Variants in BCO2 observed in about 807,000 individuals in gnomAD.
The protein encoded by BCO2 is beta-carotene oxygenase 2, also known as carotenoid-cleaving dioxygenase, mitochondrial.
Under a neutral mutation model 65.8 loss-of-function variants are expected in BCO2, and 56 were observed. That is an observed-to-expected ratio of 0.85 (90% CI 0.69 to 1.06). The LOEUF (loss-of-function observed/expected upper bound fraction) is 1.06, where lower values mean the gene tolerates loss of function less well. Ranked by LOEUF, BCO2 falls within the 50% of genes least tolerant of loss-of-function variation. The pLI is 0.00. For synonymous variants in BCO2, 233 were observed against 242.3 expected (o/e 0.96, Z 0.36); for missense variants, 675 against 698.5 (o/e 0.97, Z 0.38).
chr11:112,214,300 C>T (rs533821355), intron 9 of BCO2, among the ~76,000 whole-genome samples: 2 of 152,234 alleles, frequency 1.3e-5, no homozygotes, highest in East Asian at 3.9e-4. Flanking sequence ...GCACCTGTCA[C>T]CACGCCCGGC....
At chr11:112,184,964 T>C (rs1867161334) in intron 2 of BCO2, among the ~76,000 whole-genome samples, 1 of 152,216 alleles carries the variant, frequency 6.6e-6, no homozygotes. Flanking sequence ...ATGCAAAGCT[T>C]TCCTTAACAG....
intron 2 of BCO2, among the ~76,000 whole-genome samples, chr11:112,189,444 C>T (rs532171115): frequency 5.1e-4 from 74 of 145,720 alleles, no homozygotes; most frequent in African/African-American, 1.8e-3. Context: ...CTCACTCTGT[C>T]GCCCAGGTTG....
chr11:112,197,085 C>A (rs866465221), intron 5 of BCO2, among the ~76,000 whole-genome samples: 1 of 152,124 alleles, frequency 6.6e-6, no homozygotes, highest in African/African-American at 2.4e-5. Flanking sequence ...TCAAGACATC[C>A]TCCCAGGCAG....
chr11:112,199,854 A>G, intron 6 of BCO2, 27 bp downstream of exon 6: 1 of 1,612,022 alleles, frequency 6.2e-7, no homozygotes. Flanking sequence ...GGCAAATTTC[A>G]GTGGGCTCTG....
intron 8 of BCO2, among the ~76,000 whole-genome samples, chr11:112,203,686 C>T (rs1000871357): frequency 2.6e-5 from 4 of 152,132 alleles, no homozygotes; most frequent in African/African-American, 9.7e-5. Context: ...TACGTTAGAC[C>T]TCTAGACTTG....
intron 1 of BCO2, among the ~76,000 whole-genome samples, chr11:112,177,698 A>G (rs1866921274): frequency 6.6e-6 from 1 of 152,148 alleles, no homozygotes; most frequent in Non-Finnish European, 1.5e-5. Context: ...ATGAATTATC[A>G]TCATCACCAT....
At chr11:112,214,972 C>A (rs572590207) in intron 10 of BCO2, 28 bp downstream of exon 10, 1 of 1,602,836 alleles carries the variant, frequency 6.2e-7, no homozygotes, top group Non-Finnish European at 8.5e-7. Context: ...CCTTTTTGAA[C>A]TTTTCAGAGA....
chr11:112,178,621 C>T (rs1866947033), intron 1 of BCO2, among the ~76,000 whole-genome samples: 1 of 152,150 alleles, frequency 6.6e-6, no homozygotes, highest in Non-Finnish European at 1.5e-5. Flanking sequence ...GTTTCAGTTC[C>T]TTATTATACA....
At chr11:112,182,818 G>A (rs538294743) in intron 2 of BCO2, 11 of 657,034 alleles carry the variant, frequency 1.7e-5, no homozygotes, top group Admixed American at 2.9e-5. Flanking sequence ...AAACCGGCAC[G>A]TGGTGCACAT....
chr11:112,181,433 G>C, intron 2 of BCO2: 1 of 626,188 alleles, frequency 1.6e-6, no homozygotes, highest in Non-Finnish European at 3.0e-6. Flanking sequence ...CGCCCGCCTC[G>C]GCCTCCCAAA....
At position 112,179,449 on chromosome 11, in the gene BCO2, T is replaced by A. The variant is rs112483486; in HGVS notation, c.260T>A (p.Ile87Asn). ...TGGCTCAATGGCTCTCTACTTCGAATTGGACCTGGGAAATTCGAGTTTGGG... is the reference window on the plus strand; with the variant it reads ...TGGCTCAATGGCTCTCTACTTCGAAATGGACCTGGGAAATTCGAGTTTGGG... The part of the protein sequence containing the change: ...PKWLNGSLLR[I>N]GPGKFEFGKD... The change falls in exon 2 of 12, where the codon ATT (isoleucine) becomes AAT (asparagine). Residue 87 changes from isoleucine to asparagine, a missense_variant. Transcript: ENST00000357685. The A allele has an allele frequency of 6.2e-7, 1 of 1,614,114 alleles. No individual in the cohort carries two copies. Among genetic ancestry groups the A allele is most frequent in the African/African-American group, 1.3e-5 (1 of 75,028 alleles).
intron 2 of BCO2, among the ~76,000 whole-genome samples, chr11:112,182,293 C>T (rs1159960480): frequency 6.6e-6 from 1 of 152,018 alleles, no homozygotes; most frequent in Non-Finnish European, 1.5e-5. Flanking sequence ...GACAGTGTGG[C>T]GATTCCTCAA....
intron 2 of BCO2, chr11:112,181,021 G>C: frequency 6.9e-7 from 1 of 1,453,504 alleles, no homozygotes; most frequent in Non-Finnish European, 9.7e-7. Flanking sequence ...CTGAAGGATT[G>C]TTAGGATTCC....
chr11:112,213,822 C>T lies in BCO2; in HGVS notation c.1293C>T (p.Ser431=). 4 of 1,613,238 alleles carry T rather than the reference C, an allele frequency of 2.5e-6. No homozygotes were observed. The highest frequency in any genetic ancestry group is 3.4e-6 in the Non-Finnish European group (4 of 1,179,558). ...APEGDNLSPL[S]YTSASAVKQA... ...AGGGAGACAACCTGAGTCCATTGTC[C>T]TATACTTCAGCCAGTGCTGTGAAAC... Residue 431 remains serine, a synonymous_variant, in exon 9 of 12, where the codon TCC becomes TCT. Coordinates refer to ENST00000357685, the MANE Select transcript of BCO2 (RefSeq NM_031938.7).
At position 112,179,377 on chromosome 11, in the gene BCO2, A is replaced by T. The variant is rs1340690101; in HGVS notation, c.188A>T (p.Glu63Val). 6.2e-7 allele frequency: 1 copy of T among 1,614,170 alleles called. No homozygotes were observed. ...GCACCGCTGCTGACCACAGTGGAAG[A>T]GGCTCCACGGGGCATCTCTGCTCGA... ...CVAPLLTTVEEAPRGISARVW... is the reference protein window; with the variant it reads ...CVAPLLTTVEVAPRGISARVW... The change falls in exon 2 of 12, where the codon GAG (glutamate) becomes GTG (valine). Residue 63 changes from glutamate to valine, a missense_variant. Coordinates refer to ENST00000357685, the MANE Select transcript of BCO2 (RefSeq NM_031938.7).
intron 8 of BCO2, among the ~76,000 whole-genome samples, chr11:112,209,468 T>C (rs187308774): frequency 2.9e-4 from 44 of 152,380 alleles, no homozygotes; most frequent in Middle Eastern, 6.8e-3. Context: ...CATTCATTTA[T>C]TGAAGGACAT....
intron 1 of BCO2, among the ~76,000 whole-genome samples, chr11:112,178,606 G>C (rs1309091582): frequency 6.6e-6 from 1 of 152,144 alleles, no homozygotes; most frequent in Non-Finnish European, 1.5e-5. Context: ...AAATAATAGG[G>C]AGAAGTTTCA....
At chr11:112,194,344 TAAAAAG>T (rs1247677251) in intron 4 of BCO2, 1 of 406,204 alleles carries the variant, frequency 2.5e-6, no homozygotes, top group Non-Finnish European at 4.4e-6. Context: ...ACATGTTAAT[TAAAAAG>T]AAAATTTTAG....
At chr11:112,182,730 A>C (rs1867088928) in intron 2 of BCO2, 2 of 518,994 alleles carry the variant, frequency 3.9e-6, no homozygotes, top group Non-Finnish European at 6.7e-6. Flanking sequence ...GGAGGGATAG[A>C]ATTAGGAGAT....
Sources: allele counts gnomAD v4.1 joint callset (sites outside exome capture counted in the v4.1 genomes callset), GRCh38; gene constraint gnomAD v4.1.1; transcripts MANE v1.5; gene names NCBI Gene and HGNC (gene_info 2026-07-23, HGNC 2026-07-21).